Variants in NDE1 observed in about 807,000 individuals in gnomAD.
NDE1 encodes the protein nuclear distribution protein nudE homolog 1.
A neutral mutation model predicts 43.4 loss-of-function variants in NDE1; 28 were observed. That is an observed-to-expected ratio of 0.65 (90% CI 0.48 to 0.89). The LOEUF (loss-of-function observed/expected upper bound fraction) is 0.89, where lower values mean the gene tolerates loss of function less well. NDE1 is among the 40% of genes least tolerant of loss of function. NDE1 has a pLI of 0.00. For synonymous variants in NDE1, 184 were observed against 172.0 expected, an observed-to-expected ratio of 1.07 and a Z score of -0.55; for missense variants, 441 against 434.1, an observed-to-expected ratio of 1.02 and a Z score of -0.14.
intron 8 of NDE1, among the ~76,000 whole-genome samples, chr16:15,707,057 G>A (rs1014440519): frequency 7.2e-5 from 11 of 151,758 alleles, no homozygotes; most frequent in African/African-American, 2.2e-4. Context: ...ATTTTTTTTT[G>A]AAATAGAGTC....
chr16:15,725,148 AACACAC>A lies in NDE1; in HGVS notation c.*907_*912del, dbSNP rs34909724. The A allele has an allele frequency of 1.5e-5, 9 of 608,214 alleles. No individual in the cohort carries two copies. Among genetic ancestry groups the A allele is most frequent in the African/African-American group, 6.4e-5 (3 of 46,778 alleles). 37.7% of individuals were successfully genotyped at this position (608,214 alleles called of 1,614,324 possible). ...TGGGACTCTGATAAAAAAAAAAAAA[AACACAC>A]ACACACACAAAAAAAACAGAATCTG... On this transcript the variant is annotated 3_prime_UTR_variant, in exon 9 of 9. Transcript: ENST00000396354.
chr16:15,686,568 C>G, intron 4 of NDE1: 1 of 983,134 alleles, frequency 1.0e-6, no homozygotes, highest in Non-Finnish European at 1.2e-6. Context: ...ATCTCAGTAA[C>G]TCAGGAGGCT....
intron 8 of NDE1, among the ~76,000 whole-genome samples, chr16:15,706,580 G>A (rs777539330): frequency 6.6e-6 from 1 of 152,038 alleles, no homozygotes; most frequent in East Asian, 1.9e-4. Context: ...GGTGGCAGGC[G>A]CCTGGAATCC....
chr16:15,720,100 G>C, intron 8 of NDE1: 2 of 1,613,054 alleles, frequency 1.2e-6, no homozygotes, highest in South Asian at 1.1e-5. Context: ...GTGGCCTGAG[G>C]GGAACTGTGC....
intron 4 of NDE1, 30 bp from the exon 5 acceptor site, chr16:15,687,345 C>T (rs202172982): frequency 9.9e-4 from 1,602 of 1,613,940 alleles, no homozygotes; most frequent in Non-Finnish European, 1.3e-3. Flanking sequence ...GGTTTGTCCT[C>T]TTGGATAACT....
chr16:15,643,725 C>T (rs2036213832), exon 1 of NDE1: 2 of 216,906 alleles, frequency 9.2e-6, no homozygotes, highest in African/African-American at 2.4e-5. Flanking sequence ...ACGAGGTCCC[C>T]CGGAGTTCTC....
chr16:15,710,334 A>C (rs531777565), intron 8 of NDE1, among the ~76,000 whole-genome samples: 2 of 152,244 alleles, frequency 1.3e-5, no homozygotes, highest in South Asian at 2.1e-4. Context: ...CATCCCAGCC[A>C]GTATGGTGAA....
At chr16:15,699,148 G>A (rs1170774415) in intron 8 of NDE1, among the ~76,000 whole-genome samples, 1 of 152,062 alleles carries the variant, frequency 6.6e-6, no homozygotes, top group African/African-American at 2.4e-5. Flanking sequence ...TGAGACTGTA[G>A]TCTGCTTCTC....
In NDE1 at chr16:15,720,979, G is replaced by A. The variant is rs2040440699; in HGVS notation, c.948-3212G>A. On this transcript the variant is annotated intron_variant, in intron 8 of 8. Coordinates refer to ENST00000396354, the MANE Select transcript of NDE1 (RefSeq NM_017668.3). ...TCCGTGGCTTGCAGCTCGTCCTCCA[G>A]CTCTTCCAGCTGCGTCTTCATCTCC... 2 of 1,614,078 alleles carry A rather than the reference G, an allele frequency of 1.2e-6. No homozygotes were observed. Among genetic ancestry groups the A allele is most frequent in the Non-Finnish European group, 1.7e-6 (2 of 1,180,034 alleles).
intron 4 of NDE1, among the ~76,000 whole-genome samples, chr16:15,678,377 T>G (rs570940893): frequency 2.6e-4 from 40 of 152,166 alleles, no homozygotes; most frequent in African/African-American, 7.2e-4. Context: ...AGTTTTTTGT[T>G]TTTTTTTGGA....
chr16:15,704,006 G>A, intron 8 of NDE1: 1 of 1,613,980 alleles, frequency 6.2e-7, no homozygotes, highest in Non-Finnish European at 8.5e-7. Context: ...CACTGGCCTT[G>A]GTTCCATTGA....
intron 8 of NDE1, among the ~76,000 whole-genome samples, chr16:15,709,872 T>C (rs1364545114): frequency 1.3e-5 from 2 of 152,282 alleles, no homozygotes; most frequent in East Asian, 3.9e-4. Flanking sequence ...CTTGTACAGC[T>C]CTTGCCGGAG....
intron 1 of NDE1, among the ~76,000 whole-genome samples, chr16:15,654,440 A>T (rs1054972017): frequency 2.6e-5 from 4 of 151,796 alleles, no homozygotes; most frequent in African/African-American, 9.7e-5. Context: ...TCTCTCCTAA[A>T]AATACAAAAA....
intron 8 of NDE1, among the ~76,000 whole-genome samples, chr16:15,716,331 T>C (rs1465044805): frequency 6.6e-6 from 1 of 152,112 alleles, no homozygotes; most frequent in Non-Finnish European, 1.5e-5. Context: ...AATTATACAC[T>C]TTAAATGGGT....
chr16:15,664,992 C>A, intron 2 of NDE1, 131 bp downstream of exon 2: 1 of 691,654 alleles, frequency 1.4e-6, no homozygotes, highest in Non-Finnish European at 2.5e-6. Context: ...AACTCCTGGG[C>A]TTAAGCGATC....
At chr16:15,652,053 G>A (rs1365602803) in intron 1 of NDE1, 1 of 151,952 alleles carries the variant, frequency 6.6e-6, no homozygotes, top group Non-Finnish European at 1.5e-5. Context: ...GATTACAGGT[G>A]CGTGCCACCA....
At chr16:15,654,027 G>A (rs552852805) in intron 1 of NDE1, among the ~76,000 whole-genome samples, 11 of 151,926 alleles carry the variant, frequency 7.2e-5, no homozygotes, top group East Asian at 2.0e-4. Context: ...CACCACACCC[G>A]GCCGGAAACA....
intron 3 of NDE1, among the ~76,000 whole-genome samples, chr16:15,672,503 C>G (rs1184964470): frequency 6.6e-6 from 1 of 152,126 alleles, no homozygotes; most frequent in Admixed American, 6.6e-5. Flanking sequence ...ATTTGTCAGT[C>G]ACCTAAGAGA....
intron 3 of NDE1, among the ~76,000 whole-genome samples, chr16:15,668,674 T>G (rs1485922013): frequency 6.6e-6 from 1 of 152,214 alleles, no homozygotes; most frequent in African/African-American, 2.4e-5. Context: ...AAATAAAAAC[T>G]TAATTCCTCA....
Sources: allele counts gnomAD v4.1 joint callset (sites outside exome capture counted in the v4.1 genomes callset), GRCh38; gene constraint gnomAD v4.1.1; transcripts MANE v1.5; gene names NCBI Gene and HGNC (gene_info 2026-07-23, HGNC 2026-07-21).